The following TBC1D5 variants were observed in gnomAD, a reference collection of about 807,000 sequenced individuals.
TBC1D5 encodes TBC1 domain family member 5.
A neutral mutation model predicts 100.3 loss-of-function variants in TBC1D5; 75 were observed. The observed-to-expected ratio is 0.75, with a 90% confidence interval of 0.62 to 0.91. The LOEUF is 0.91. Among genes scored for constraint, TBC1D5 ranks in the 40% least tolerant of loss-of-function variants. The pLI is 0.00. For missense variants in TBC1D5, 910 were observed against 942.4 expected, an observed-to-expected ratio of 0.97 and a Z score of 0.45; for synonymous variants, 323 against 325.6, an observed-to-expected ratio of 0.99 and a Z score of 0.09.
chr3:17,609,292 T>C (rs2061523995), intron 2 of TBC1D5, among the ~76,000 whole-genome samples: 1 of 152,218 alleles, frequency 6.6e-6, no homozygotes, highest in Non-Finnish European at 1.5e-5. Context: ...GTTTTTAACA[T>C]TATCTTAAGA....
chr3:17,427,006 T>C (rs944906747), intron 4 of TBC1D5, among the ~76,000 whole-genome samples: 24 of 152,174 alleles, frequency 1.6e-4, no homozygotes, highest in African/African-American at 5.3e-4. Flanking sequence ...TTTAACTATC[T>C]TTCATATTTA....
At chr3:17,693,857 G>A (rs1267467466) in intron 1 of TBC1D5, among the ~76,000 whole-genome samples, 1 of 152,124 alleles carries the variant, frequency 6.6e-6, no homozygotes, top group African/African-American at 2.4e-5. Flanking sequence ...ATATAAGCGG[G>A]TGCCCCTCTG....
chr3:17,549,861 C>T (rs1041836827), intron 2 of TBC1D5, among the ~76,000 whole-genome samples: 3 of 151,702 alleles, frequency 2.0e-5, no homozygotes, highest in African/African-American at 4.8e-5. Flanking sequence ...ACCCAGGGGG[C>T]GGAGGTTGCA....
chr3:17,533,581 A>G (rs1054117293), intron 2 of TBC1D5, among the ~76,000 whole-genome samples: 1 of 152,202 alleles, frequency 6.6e-6, no homozygotes, highest in Admixed American at 6.5e-5. Context: ...TGTTTTAGTC[A>G]GAAACTGCTG....
chr3:17,654,419 A>G (rs2065865498), intron 1 of TBC1D5, among the ~76,000 whole-genome samples: 1 of 152,170 alleles, frequency 6.6e-6, no homozygotes, highest in Non-Finnish European at 1.5e-5. Flanking sequence ...GGAGGTAACT[A>G]ACAAAAACAA....
chr3:17,218,865 T>C (rs560590957), intron 17 of TBC1D5, among the ~76,000 whole-genome samples: 1 of 152,086 alleles, frequency 6.6e-6, no homozygotes, highest in Admixed American at 6.6e-5. Flanking sequence ...ACAGTCTGAC[T>C]ATGATATATC....
chr3:17,625,991 C>T (rs1331822934), intron 1 of TBC1D5, among the ~76,000 whole-genome samples: 4 of 152,040 alleles, frequency 2.6e-5, no homozygotes, highest in Non-Finnish European at 5.9e-5. Flanking sequence ...TAATGTCGGG[C>T]ACCAATTAAT....
intron 8 of TBC1D5, among the ~76,000 whole-genome samples, chr3:17,387,778 C>G (rs2093213252): frequency 6.6e-6 from 1 of 150,536 alleles, no homozygotes; most frequent in Non-Finnish European, 1.5e-5. Context: ...GCACAGAATA[C>G]TAACCACACT....
Position 17,163,264 on chromosome 3 carries a change from C to G in TBC1D5, c.2095-2008G>C, listed in dbSNP as rs978571525. On this transcript the variant is annotated intron_variant, in intron 21 of 21. Coordinates refer to ENST00000253692, the Ensembl canonical transcript of TBC1D5. ...CCATTTTCTTTTATTGACCCCCCCC[C>G]CTTCCTTGCCCCTTTGCATTACAGA... Among the ~76,000 whole-genome samples the G allele has an allele frequency of 1.2e-4, 16 of 138,592 alleles. No homozygotes were observed. The South Asian group carries it at 2.6e-3, about 23-fold the overall frequency. The allele number at this position is 138,592 out of a possible 152,430, so 90.9% of individuals were successfully genotyped here.
At chr3:17,366,662 G>A (rs940600293) in intron 13 of TBC1D5, among the ~76,000 whole-genome samples, 1 of 152,020 alleles carries the variant, frequency 6.6e-6, no homozygotes, top group Admixed American at 6.6e-5. Context: ...TTCTTAAACT[G>A]TTGAGAGATA....
intron 19 of TBC1D5, among the ~76,000 whole-genome samples, chr3:17,168,304 T>G (rs1431899069): frequency 6.6e-6 from 1 of 152,196 alleles, no homozygotes; most frequent in African/African-American, 2.4e-5. Context: ...ATGTTGCCAT[T>G]TCAACATAAT....
At chr3:17,168,825 T>G (rs2066896359) in intron 19 of TBC1D5, among the ~76,000 whole-genome samples, 1 of 152,226 alleles carries the variant, frequency 6.6e-6, no homozygotes, top group Non-Finnish European at 1.5e-5. Context: ...TCTTCCATGC[T>G]ACATTCTTAG....
chr3:17,565,428 A>C (rs1423517143), intron 2 of TBC1D5, among the ~76,000 whole-genome samples: 1 of 152,162 alleles, frequency 6.6e-6, no homozygotes, highest in East Asian at 1.9e-4. Flanking sequence ...CAGAAAAAGT[A>C]ATCAGTACTA....
intron 2 of TBC1D5, among the ~76,000 whole-genome samples, chr3:17,524,137 G>T (rs139087468): frequency 4.7e-4 from 72 of 152,122 alleles, no homozygotes; most frequent in African/African-American, 1.7e-3. Context: ...AGCAGTGCAC[G>T]GAACGGAATT....
intron 1 of TBC1D5, among the ~76,000 whole-genome samples, chr3:17,676,317 CTT>C (rs1242632302): frequency 6.6e-6 from 1 of 152,022 alleles, no homozygotes; most frequent in African/African-American, 2.4e-5. Context: ...AGGATACAAA[CTT>C]AACGTGCAAA....
chr3:17,277,057 C>T (rs1157296810), intron 15 of TBC1D5, among the ~76,000 whole-genome samples: 2 of 152,192 alleles, frequency 1.3e-5, no homozygotes, highest in Non-Finnish European at 2.9e-5. Context: ...ACACCTACTG[C>T]CTTCAGCCAC....
At chr3:17,181,923 A>G (rs1177156633) in intron 19 of TBC1D5, among the ~76,000 whole-genome samples, 1 of 152,188 alleles carries the variant, frequency 6.6e-6, no homozygotes, top group Non-Finnish European at 1.5e-5. Flanking sequence ...ATTATACTAT[A>G]TTATATTCAA....
intron 3 of TBC1D5, among the ~76,000 whole-genome samples, chr3:17,437,558 A>G (rs2094557388): frequency 7.0e-6 from 1 of 142,086 alleles, no homozygotes; most frequent in African/African-American, 2.7e-5. Context: ...TATAGGTAGT[A>G]TGCATGTGTG....
At chr3:17,448,844 A>G (rs2094859047) in intron 3 of TBC1D5, among the ~76,000 whole-genome samples, 1 of 152,230 alleles carries the variant, frequency 6.6e-6, no homozygotes, top group Non-Finnish European at 1.5e-5. Flanking sequence ...CTTTAACTAA[A>G]TATCACCAAC....
Sources: gnomAD v4.1 joint callset for allele counts (sites outside exome capture counted in the v4.1 genomes callset) on GRCh38, gnomAD v4.1.1 for gene constraint, MANE v1.5 for transcripts, NCBI Gene and HGNC (gene_info 2026-07-23, HGNC 2026-07-21) for gene names.